The following SMOC2 variants were observed in gnomAD, a reference collection of about 807,000 sequenced individuals.
SMOC2 encodes the protein SPARC related modular calcium binding 2, also known as SPARC-related modular calcium-binding protein 2.
Under a neutral mutation model 61.4 loss-of-function variants are expected in SMOC2, and 39 were observed. The observed-to-expected ratio is 0.64, with a 90% CI of 0.49 to 0.83. The LOEUF (loss-of-function observed/expected upper bound fraction) is 0.83, where lower values mean the gene tolerates loss of function less well. Among genes scored for constraint, SMOC2 ranks in the 40% least tolerant of loss-of-function variants. The probability of loss-of-function intolerance (pLI) is 0.00; values close to 1 mark genes in which losing one functional copy is unlikely to be tolerated. For synonymous variants in SMOC2, 247 were observed against 239.9 expected (o/e 1.03, Z -0.27); for missense variants, 556 against 592.9 (o/e 0.94, Z 0.65).
chr6:168,511,081 G>T (rs1782996079), intron 2 of SMOC2, among the ~76,000 whole-genome samples: 1 of 152,186 alleles, frequency 6.6e-6, no homozygotes, highest in Admixed American at 6.5e-5. Context: ...CTGATGTTCA[G>T]TAATGATGCT....
intron 1 of SMOC2, among the ~76,000 whole-genome samples, chr6:168,466,161 A>G (rs961129690): frequency 5.4e-5 from 8 of 149,364 alleles, no homozygotes; most frequent in African/African-American, 2.0e-4. Flanking sequence ...GAGGCTCTGG[A>G]TGAAGCAAGG....
chr6:168,623,328 A>T lies in SMOC2; in HGVS notation c.907+15089A>T, dbSNP rs199981640. 1.5e-3 allele frequency among the ~76,000 whole-genome samples: 101 copies of T among 67,330 alleles called. 2 individuals carry two copies. Among genetic ancestry groups the T allele is most frequent in the Middle Eastern group, 6.7e-3 (1 of 150 alleles). 44.2% of individuals were successfully genotyped at this position (67,330 alleles called of 152,430 possible). A position where few individuals can be genotyped will look rare whatever the true frequency, so the allele number is the denominator to read the frequency against. ...GGTTTTGGCTGAGACATGGATAATT[A>T]ATTTTTTTTTTTTTTTTTTTGAGAC... is the stretch of plus-strand genomic sequence containing the variant. On this transcript the variant is annotated intron_variant, in intron 9 of 12. Coordinates refer to ENST00000356284, the MANE Select transcript of SMOC2 (RefSeq NM_001166412.2).
chr6:168,525,569 C>T (rs1583080368), intron 2 of SMOC2, among the ~76,000 whole-genome samples: 1 of 152,186 alleles, frequency 6.6e-6, no homozygotes, highest in East Asian at 1.9e-4. Flanking sequence ...CAGTTTTGCT[C>T]ATCCTTGGGG....
chr6:168,533,377 G>A (rs1783657881), intron 4 of SMOC2, among the ~76,000 whole-genome samples: 1 of 152,138 alleles, frequency 6.6e-6, no homozygotes, highest in Admixed American at 6.5e-5. Context: ...CTGAAATGGT[G>A]GAACTCCATG....
intron 7 of SMOC2, among the ~76,000 whole-genome samples, chr6:168,566,516 T>C (rs1784544990): frequency 1.4e-5 from 2 of 142,866 alleles, no homozygotes; most frequent in Admixed American, 7.4e-5. Context: ...AGAGTCTTGC[T>C]CTGTTGCCCA....
chr6:168,480,607 A>G (rs888363924), intron 1 of SMOC2, among the ~76,000 whole-genome samples: 6 of 152,136 alleles, frequency 3.9e-5, no homozygotes, highest in African/African-American at 1.4e-4. Context: ...AAAAGGCAAA[A>G]GAGACTAAGG....
At chr6:168,451,866 CTT>C (rs1032400149) in intron 1 of SMOC2, among the ~76,000 whole-genome samples, 1 of 152,146 alleles carries the variant, frequency 6.6e-6, no homozygotes, top group African/African-American at 2.4e-5. Flanking sequence ...GTCATAACTT[CTT>C]TTTTTGTACT....
At chr6:168,599,491 C>A (rs1340835360) in intron 8 of SMOC2, among the ~76,000 whole-genome samples, 8 of 125,426 alleles carry the variant, frequency 6.4e-5, no homozygotes, top group Non-Finnish European at 1.2e-4. Flanking sequence ...AATCATACCC[C>A]ACACACCCAC....
intron 7 of SMOC2, among the ~76,000 whole-genome samples, chr6:168,574,523 G>A (rs1784750691): frequency 6.6e-6 from 1 of 152,216 alleles, no homozygotes; most frequent in South Asian, 2.1e-4. Context: ...CATCACAGAG[G>A]TAAAGGGTGC....
At position 168,652,959 on chromosome 6, in the gene SMOC2, C is replaced by T. The variant is rs1274283472; in HGVS notation, c.1016C>T (p.Ser339Leu). 27 of 1,613,118 alleles carry T rather than the reference C, an allele frequency of 1.7e-5. No homozygotes were observed. Among genetic ancestry groups the T allele is most frequent in the Non-Finnish European group, 2.3e-5 (27 of 1,179,644 alleles). ...SDPSSSSGRL[S>L]EPDPSHTLEE... ...GGCATCTGTGTTCCTTCCAGGCTCT[C>T]AGAACCCGACCCCAGCCATACCCTA... The change falls in exon 11 of 13, where the codon TCA (serine) becomes TTA (leucine). Residue 339 changes from serine (S) to leucine (L), a missense_variant. Physicochemically the swap from Ser to Leu is moderately radical, Grantham distance 145 (BLOSUM62 -2). Transcript: ENST00000356284.
intron 1 of SMOC2, among the ~76,000 whole-genome samples, chr6:168,445,716 C>T (rs1054421713): frequency 4.6e-5 from 7 of 152,068 alleles, no homozygotes; most frequent in Non-Finnish European, 7.3e-5. Context: ...AGACGGACCA[C>T]GAAGGTGGTT....
At chr6:168,484,432 CAG>C (rs1403553323) in intron 1 of SMOC2, among the ~76,000 whole-genome samples, 2 of 152,082 alleles carry the variant, frequency 1.3e-5, no homozygotes, top group Admixed American at 6.6e-5. Context: ...GTTTTAAAAA[CAG>C]AAAATAACAA....
chr6:168,492,861 T>C (rs1223497974), intron 1 of SMOC2, among the ~76,000 whole-genome samples: 1 of 152,210 alleles, frequency 6.6e-6, no homozygotes, highest in Non-Finnish European at 1.5e-5. Context: ...AAATGTGCCT[T>C]CTCTTCCTTG....
chr6:168,493,129 T>A (rs1782507317), intron 1 of SMOC2, among the ~76,000 whole-genome samples: 1 of 152,058 alleles, frequency 6.6e-6, no homozygotes, highest in Admixed American at 6.6e-5. Flanking sequence ...CTCTGCCTCC[T>A]GGGTTCAGGC....
chr6:168,646,867 G>A (rs1029017244), intron 9 of SMOC2, among the ~76,000 whole-genome samples: 6 of 152,180 alleles, frequency 3.9e-5, no homozygotes, highest in African/African-American at 1.2e-4. Flanking sequence ...AGATCAGCTG[G>A]AGCACCTGAG....
At chr6:168,491,267 C>T (rs573226341) in intron 1 of SMOC2, among the ~76,000 whole-genome samples, 3 of 152,282 alleles carry the variant, frequency 2.0e-5, no homozygotes, top group Non-Finnish European at 4.4e-5. Flanking sequence ...TGATGCTGAA[C>T]GGACATTAAC....
chr6:168,609,308 G>T (rs997971288), intron 9 of SMOC2, among the ~76,000 whole-genome samples: 6 of 152,124 alleles, frequency 3.9e-5, no homozygotes, highest in Non-Finnish European at 7.3e-5. Flanking sequence ...TACCTCCTCA[G>T]TGTCTTCCTT....
At chr6:168,650,607 C>T (rs886648169) in intron 9 of SMOC2, 74 bp from the exon 10 acceptor site, 10 of 1,400,724 alleles carry the variant, frequency 7.1e-6, no homozygotes, top group African/African-American at 1.4e-5. Flanking sequence ...AGTAAAACAA[C>T]ATTTCCCTGT....
intron 2 of SMOC2, among the ~76,000 whole-genome samples, chr6:168,520,067 C>T (rs1414625051): frequency 2.0e-5 from 3 of 152,158 alleles, no homozygotes; most frequent in Non-Finnish European, 4.4e-5. Flanking sequence ...GAAGGTTGGA[C>T]GGATGCGCTA....
Sources: allele counts gnomAD v4.1 joint callset (sites outside exome capture counted in the v4.1 genomes callset), GRCh38; gene constraint gnomAD v4.1.1; transcripts MANE v1.5; gene names NCBI Gene and HGNC (gene_info 2026-07-23, HGNC 2026-07-21).